Variants in SAMD8 observed in about 807,000 individuals in gnomAD.
SAMD8 encodes the protein sterile alpha motif domain containing 8, also known as sphingomyelin synthase-related protein 1.
In SAMD8, 20 loss-of-function variants were observed where a neutral mutation model predicts 42.0. The ratio of observed to expected loss-of-function variants is 0.48; its 90% CI spans 0.34 to 0.69. The LOEUF (loss-of-function observed/expected upper bound fraction) is 0.69, where lower values mean the gene tolerates loss of function less well. Ranked by LOEUF, SAMD8 falls within the 30% of genes least tolerant of loss-of-function variation. The pLI is 0.01. For missense variants in SAMD8, 328 were observed against 511.6 expected (o/e 0.64, Z 3.46); for synonymous variants, 162 against 173.0 (o/e 0.94, Z 0.50).
At chr10:75,105,875 A>T in intron 1 of SAMD8, 1 of 1,545,452 alleles carries the variant, frequency 6.5e-7, no homozygotes, top group Non-Finnish European at 8.7e-7. Flanking sequence ...TTGGCTGAGG[A>T]AGACATCCTG....
chr10:75,153,829 AT>A (rs1356950016), intron 2 of SAMD8, among the ~76,000 whole-genome samples: 1 of 151,250 alleles, frequency 6.6e-6, no homozygotes, highest in East Asian at 2.0e-4. Flanking sequence ...CAGTGACACA[AT>A]CTCGGCTCAC....
rs552054695 is a variant in SAMD8, at chr10:75,132,848, G to A, written c.-15-17666G>A. On this transcript the variant is annotated intron_variant, in intron 1 of 5. Coordinates refer to ENST00000542569, the MANE Select transcript of SAMD8 (RefSeq NM_001174156.2). The stretch of plus-strand genomic sequence containing the variant: ...TACAAAAAATAAGAAAACTAATTGG[G>A]CTTGGTGGTACACACCTGTGGTCCC... Among the ~76,000 whole-genome samples the A allele has an allele frequency of 3.3e-5, 5 of 151,992 alleles. No individual in the cohort carries two copies. In the East Asian group the frequency reaches 7.8e-4, roughly 24 times the overall value.
chr10:75,147,194 A>T (rs1193001046), intron 1 of SAMD8, among the ~76,000 whole-genome samples: 1 of 152,258 alleles, frequency 6.6e-6, no homozygotes, highest in Non-Finnish European at 1.5e-5. Flanking sequence ...GTATGAGAGG[A>T]AACTGTCCTA....
intron 1 of SAMD8, among the ~76,000 whole-genome samples, chr10:75,140,497 C>T (rs1839987615): frequency 1.3e-5 from 2 of 152,186 alleles, no homozygotes; most frequent in African/African-American, 2.4e-5. Context: ...ATATCACTCC[C>T]ATGGTGACTA....
intron 4 of SAMD8, among the ~76,000 whole-genome samples, chr10:75,172,025 C>CAA (rs750376012): frequency 4.8e-5 from 5 of 103,558 alleles, no homozygotes; most frequent in Admixed American, 2.1e-4. Context: ...GACTCCATCT[C>CAA]AAAAAAAAAA....
chr10:75,125,260 A>C (rs1180855155), intron 1 of SAMD8: 1 of 152,216 alleles, frequency 6.6e-6, no homozygotes, highest in Non-Finnish European at 1.5e-5. Context: ...TGCCTTATGC[A>C]GCCTATTTGC....
rs137964532 is a variant in SAMD8 at position 75,155,832 on chromosome 10, A to G, written c.578+4726A>G. On this transcript the variant is annotated intron_variant, in intron 2 of 5. Transcript: ENST00000542569. The stretch of plus-strand genomic sequence containing the variant: ...TATTTAATCATAGAAAAGAATGAAG[A>G]CAATTTCTGTGAGCTGATACAAAAT... 4.9e-3 allele frequency among the ~76,000 whole-genome samples: 753 copies of G among 152,320 alleles called. 13 individuals are homozygous for G. The highest frequency in any genetic ancestry group is 0.021 in the East Asian group (107 of 5,190).
chr10:75,155,828 G>T (rs539327328), intron 2 of SAMD8, among the ~76,000 whole-genome samples: 3 of 152,162 alleles, frequency 2.0e-5, no homozygotes, highest in Non-Finnish European at 4.4e-5. Flanking sequence ...AGAAAAGAAT[G>T]AAGACAATTT....
chr10:75,133,901 C>A (rs556440057), intron 1 of SAMD8, among the ~76,000 whole-genome samples: 1 of 152,298 alleles, frequency 6.6e-6, no homozygotes, highest in South Asian at 2.1e-4. Context: ...AACGTGATCT[C>A]ATTCCTTTTT....
intron 2 of SAMD8, among the ~76,000 whole-genome samples, chr10:75,152,945 A>T (rs1434137868): frequency 6.6e-6 from 1 of 152,126 alleles, no homozygotes; most frequent in Non-Finnish European, 1.5e-5. Context: ...TAAATCTTTT[A>T]AAAATTTGGG....
Position 75,149,899 on chromosome 10 carries a change from C to A in SAMD8, c.-15-615C>A, listed in dbSNP as rs181682293. On this transcript the variant is annotated intron_variant, in intron 1 of 5. Coordinates refer to ENST00000542569, the MANE Select transcript of SAMD8 (RefSeq NM_001174156.2). ...TAAAAATGTTTGGTTATTAAATTTTCTTCTGCTGTTGGAGTCATATGCATA... is the reference window on the plus strand; with the variant it reads ...TAAAAATGTTTGGTTATTAAATTTTATTCTGCTGTTGGAGTCATATGCATA... 4.6e-5 allele frequency among the ~76,000 whole-genome samples: 7 copies of A among 152,092 alleles called. No individual in the cohort carries two copies. In the East Asian group the frequency reaches 1.4e-3, roughly 29 times the overall value.
At chr10:75,135,850 T>A (rs959887570) in intron 1 of SAMD8, among the ~76,000 whole-genome samples, 5 of 152,034 alleles carry the variant, frequency 3.3e-5, no homozygotes, top group Non-Finnish European at 7.4e-5. Flanking sequence ...AAATCTTGTT[T>A]AGAAGGACAT....
intron 1 of SAMD8, among the ~76,000 whole-genome samples, chr10:75,120,774 C>CTTTTTTTTTTT (rs111866437): frequency 1.2e-5 from 1 of 80,140 alleles, no homozygotes; most frequent in Non-Finnish European, 2.2e-5. Context: ...TAATTTCCAT[C>CTTTTTTTTTTT]TTTTTTTTTT....
intron 1 of SAMD8, among the ~76,000 whole-genome samples, chr10:75,137,448 G>A (rs1839915292): frequency 6.6e-6 from 1 of 151,890 alleles, no homozygotes; most frequent in Admixed American, 6.6e-5. Context: ...GCTGAGGCAG[G>A]AGAATTGCTT....
intron 1 of SAMD8, among the ~76,000 whole-genome samples, chr10:75,102,353 G>T (rs527280201): frequency 6.6e-4 from 101 of 152,318 alleles, no homozygotes; most frequent in African/African-American, 2.4e-3. Flanking sequence ...TGAGGCAGGA[G>T]AATGGCGTGA....
chr10:75,148,164 T>C (rs1245054258), intron 1 of SAMD8, among the ~76,000 whole-genome samples: 1 of 152,154 alleles, frequency 6.6e-6, no homozygotes, highest in Non-Finnish European at 1.5e-5. Flanking sequence ...TACTTAATGT[T>C]TAACTGACAC....
intron 1 of SAMD8, among the ~76,000 whole-genome samples, chr10:75,104,372 A>G (rs568239702): frequency 6.6e-6 from 1 of 152,290 alleles, no homozygotes; most frequent in Admixed American, 6.5e-5. Flanking sequence ...TGCACACTGC[A>G]TAACTCCTGG....
chr10:75,126,791 G>A (rs928807421), intron 1 of SAMD8, among the ~76,000 whole-genome samples: 1 of 151,288 alleles, frequency 6.6e-6, no homozygotes. Flanking sequence ...CTGAGCCACC[G>A]GGTTGGCCGG....
chr10:75,118,857 G>A (rs190859575), intron 1 of SAMD8, among the ~76,000 whole-genome samples: 477 of 152,168 alleles, frequency 3.1e-3, no homozygotes, highest in Middle Eastern at 6.8e-3. Context: ...TCATAGTTTA[G>A]GCTTTTTGCT....
Sources: gnomAD v4.1 joint callset for allele counts (sites outside exome capture counted in the v4.1 genomes callset) on GRCh38, gnomAD v4.1.1 for gene constraint, MANE v1.5 for transcripts, NCBI Gene and HGNC (gene_info 2026-07-23, HGNC 2026-07-21) for gene names.